Variants in SHISA9 observed in about 807,000 individuals in gnomAD.
SHISA9 encodes the protein protein shisa-9.
Under a neutral mutation model 38.0 loss-of-function variants are expected in SHISA9, and 13 were observed. That is an observed-to-expected ratio of 0.34 (90% confidence interval 0.22 to 0.54). The LOEUF is 0.54. SHISA9 is among the 20% of genes least tolerant of loss of function. SHISA9 has a pLI of 0.91. For synonymous variants in SHISA9, 275 were observed against 242.0 expected (o/e 1.14, Z -1.27); for missense variants, 538 against 575.8 (o/e 0.93, Z 0.67).
At chr16:12,924,817 C>G (rs769807165) in intron 2 of SHISA9, among the ~76,000 whole-genome samples, 1 of 152,112 alleles carries the variant, frequency 6.6e-6, no homozygotes, top group Non-Finnish European at 1.5e-5. Context: ...GAGGGGTAGA[C>G]AACCAAGATT....
At chr16:13,019,776 CTTT>C in intron 2 of SHISA9, among the ~76,000 whole-genome samples, 1 of 89,122 alleles carries the variant, frequency 1.1e-5, no homozygotes, top group Non-Finnish European at 2.3e-5. Context: ...TTCTTTCTTT[CTTT>C]CTTTCTTTCT....
chr16:13,194,082 T>C (rs1373243286), intron 2 of SHISA9, among the ~76,000 whole-genome samples: 1 of 152,140 alleles, frequency 6.6e-6, no homozygotes, highest in Non-Finnish European at 1.5e-5. Flanking sequence ...TCTCTCTTTC[T>C]TTTCCTTCTC....
rs1330684860 is a variant in SHISA9 at position 13,236,899 on chromosome 16, AG to A, written c.*1492del. The A allele has an allele frequency of 6.6e-6, 1 of 152,016 alleles. No homozygotes were observed. Among genetic ancestry groups the A allele is most frequent in the Non-Finnish European group, 1.5e-5 (1 of 68,012 alleles). 9.4% of individuals were successfully genotyped at this position (152,016 alleles called of 1,614,324 possible). A position where few individuals can be genotyped will look rare whatever the true frequency, so the allele number is the denominator to read the frequency against. ...TTCATCTCCCATCCAGAATGTCCTG[AG>A]GTTGTTTTTCTGGTTGGTTCTCATA... On this transcript the variant is annotated 3_prime_UTR_variant, in exon 5 of 5. Transcript: ENST00000558583.
chr16:13,523,857 T>C, the SHISA9 span, among the ~76,000 whole-genome samples: 1 of 152,230 alleles, frequency 6.6e-6, no homozygotes, highest in Non-Finnish European at 1.5e-5. Flanking sequence ...AAGTAGCAGA[T>C]GGCGAACGAT....
At chr16:12,985,162 A>G (rs558428817) in intron 2 of SHISA9, among the ~76,000 whole-genome samples, 1 of 152,062 alleles carries the variant, frequency 6.6e-6, no homozygotes, top group African/African-American at 2.4e-5. Context: ...GGTGTTTTGT[A>G]TATATCTATC....
the SHISA9 span, among the ~76,000 whole-genome samples, chr16:13,353,092 G>A: frequency 5.3e-5 from 8 of 152,114 alleles, no homozygotes; most frequent in African/African-American, 1.7e-4. Context: ...TTGGTGGGTG[G>A]TATGGAGAGA....
intron 2 of SHISA9, among the ~76,000 whole-genome samples, chr16:12,975,551 T>C (rs940995468): frequency 2.0e-5 from 3 of 150,110 alleles, no homozygotes; most frequent in Non-Finnish European, 2.9e-5. Flanking sequence ...TCAGAATAAT[T>C]GGATTTATGC....
At chr16:13,332,106 A>C in the SHISA9 span, 20 of 152,316 alleles carry the variant, frequency 1.3e-4, no homozygotes, top group Admixed American at 1.2e-3. Context: ...AAAAAAACAC[A>C]AAAACAACAA....
the SHISA9 span, among the ~76,000 whole-genome samples, chr16:13,294,861 T>C: frequency 1.3e-5 from 2 of 152,218 alleles, no homozygotes; most frequent in African/African-American, 2.4e-5. Context: ...GGAGGATGAC[T>C]GTGAATGAAA....
intron 2 of SHISA9, among the ~76,000 whole-genome samples, chr16:13,014,700 C>G (rs192044266): frequency 6.6e-6 from 1 of 152,188 alleles, no homozygotes; most frequent in Non-Finnish European, 1.5e-5. Context: ...AATTCTGAGC[C>G]GGGGGTGGAA....
the SHISA9 span, among the ~76,000 whole-genome samples, chr16:13,307,896 GATGATTAACGGTCCTTCCAGCA>G: frequency 1.3e-5 from 2 of 152,210 alleles, no homozygotes; most frequent in African/African-American, 2.4e-5. Flanking sequence ...ATTAGGTGAG[GATGATTAACGGTCCTTCCAGCA>G]ATTAGTGTTG....
chr16:12,939,828 T>C (rs988958172), intron 2 of SHISA9, among the ~76,000 whole-genome samples: 1 of 152,194 alleles, frequency 6.6e-6, no homozygotes, highest in African/African-American at 2.4e-5. Context: ...TGCTTGTTAA[T>C]GTAAGTTCTC....
At chr16:13,083,302 G>A (rs139367467) in intron 2 of SHISA9, among the ~76,000 whole-genome samples, 45 of 152,292 alleles carry the variant, frequency 3.0e-4, no homozygotes, top group African/African-American at 8.9e-4. Context: ...GGTCTCATGC[G>A]TCATCTCTAT....
chr16:13,085,159 G>A (rs276639), intron 2 of SHISA9, among the ~76,000 whole-genome samples: 30,437 of 152,096 alleles, frequency 0.2, 5,636 homozygotes, highest in African/African-American at 0.48. Flanking sequence ...TCAACTGGCA[G>A]CATTGCAGAC....
At chr16:13,024,273 C>T (rs1202651580) in intron 2 of SHISA9, among the ~76,000 whole-genome samples, 2 of 152,208 alleles carry the variant, frequency 1.3e-5, no homozygotes, top group East Asian at 3.9e-4. Context: ...TAGGGAGGGA[C>T]CAAGCCCAGA....
chr16:13,323,011 T>C, the SHISA9 span, among the ~76,000 whole-genome samples: 1 of 152,062 alleles, frequency 6.6e-6, no homozygotes, highest in East Asian at 1.9e-4. Flanking sequence ...AATCTCAGAG[T>C]CCCAGAATCT....
chr16:12,925,435 T>G (rs1354379636), intron 2 of SHISA9, among the ~76,000 whole-genome samples: 1 of 67,906 alleles, frequency 1.5e-5, no homozygotes, highest in African/African-American at 4.4e-5. Context: ...GAAAATGAGA[T>G]TGTGTGTGTG....
chr16:13,397,220 G>C, the SHISA9 span, among the ~76,000 whole-genome samples: 1 of 152,162 alleles, frequency 6.6e-6, no homozygotes, highest in African/African-American at 2.4e-5. Context: ...ATTAATAGTA[G>C]TGAAATGGGA....
chr16:13,215,514 A>T (rs75820139), intron 4 of SHISA9, among the ~76,000 whole-genome samples: 2,944 of 152,270 alleles, frequency 0.019, 47 homozygotes, highest in Non-Finnish European at 0.03. Flanking sequence ...TGAGGCATTA[A>T]CTTCTTTTTT....
Sources: allele counts gnomAD v4.1 joint callset (sites outside exome capture counted in the v4.1 genomes callset), GRCh38; gene constraint gnomAD v4.1.1; transcripts MANE v1.5; gene names NCBI Gene and HGNC (gene_info 2026-07-23, HGNC 2026-07-21).